Variants in SLC24A2 observed in about 807,000 individuals in gnomAD.
The protein encoded by SLC24A2 is sodium/potassium/calcium exchanger 2.
SLC24A2 carries 36 observed loss-of-function variants against 62.0 expected under a neutral mutation model. The ratio of observed to expected loss-of-function variants is 0.58; its 90% CI spans 0.44 to 0.77. The LOEUF (loss-of-function observed/expected upper bound fraction) is 0.77, where lower values mean the gene tolerates loss of function less well. Ranked by LOEUF, SLC24A2 falls within the 30% of genes least tolerant of loss-of-function variation. SLC24A2 has a pLI of 0.00. For synonymous variants in SLC24A2, 358 were observed against 294.0 expected (o/e 1.22, Z -2.23); for missense variants, 846 against 817.9 (o/e 1.03, Z -0.42).
the SLC24A2 span, among the ~76,000 whole-genome samples, chr9:20,183,461 G>C: frequency 6.6e-6 from 1 of 152,208 alleles, no homozygotes. Flanking sequence ...TTACTAGCAT[G>C]TTGGAGGCTC....
intron 5 of SLC24A2, among the ~76,000 whole-genome samples, chr9:19,581,760 G>A (rs910138474): frequency 4.6e-5 from 7 of 152,220 alleles, no homozygotes; most frequent in African/African-American, 1.7e-4. Context: ...TTGCCATAAA[G>A]GGTGGCATAG....
chr9:19,920,133 C>T, the SLC24A2 span, among the ~76,000 whole-genome samples: 1 of 152,004 alleles, frequency 6.6e-6, no homozygotes, highest in African/African-American at 2.4e-5. Flanking sequence ...GATATATTTC[C>T]TTTTTTTGAA....
At chr9:20,292,305 T>C in the SLC24A2 span, among the ~76,000 whole-genome samples, 3 of 152,324 alleles carry the variant, frequency 2.0e-5, no homozygotes, top group African/African-American at 4.8e-5. Context: ...TTCATGGAAA[T>C]CTTTATTCCA....
chr9:20,249,714 A>AAG, the SLC24A2 span, among the ~76,000 whole-genome samples: 11 of 151,598 alleles, frequency 7.3e-5, 1 homozygote, highest in South Asian at 2.3e-3. Flanking sequence ...CAAAAAAAAA[A>AAG]AAAAAAAAAA....
chr9:19,636,321 TTC>T (rs1491099123), intron 2 of SLC24A2, among the ~76,000 whole-genome samples: 332 of 24,114 alleles, frequency 0.014, 27 homozygotes, highest in African/African-American at 0.027. Flanking sequence ...TTTCTTTTCT[TTC>T]TTTCTTTCTT....
At chr9:19,634,844 T>G (rs943835118) in intron 2 of SLC24A2, among the ~76,000 whole-genome samples, 1 of 152,178 alleles carries the variant, frequency 6.6e-6, no homozygotes, top group African/African-American at 2.4e-5. Context: ...CCCTCTAATC[T>G]TATTAAGACA....
chr9:20,136,180 T>C, the SLC24A2 span, among the ~76,000 whole-genome samples: 1 of 152,134 alleles, frequency 6.6e-6, no homozygotes, highest in Non-Finnish European at 1.5e-5. Flanking sequence ...GAGAACATAG[T>C]GCTTAAATTG....
intron 5 of SLC24A2, among the ~76,000 whole-genome samples, chr9:19,578,296 A>G (rs896039729): frequency 6.6e-6 from 1 of 151,792 alleles, no homozygotes; most frequent in African/African-American, 2.4e-5. Context: ...CAGCTGTAAC[A>G]CAAGTGCGAT....
At chr9:20,118,656 A>G in the SLC24A2 span, among the ~76,000 whole-genome samples, 15 of 152,148 alleles carry the variant, frequency 9.9e-5, no homozygotes, top group Non-Finnish European at 1.2e-4. Flanking sequence ...GTAAAAAAAG[A>G]GGAAAAGAAG....
At chr9:20,021,114 A>G in the SLC24A2 span, among the ~76,000 whole-genome samples, 1 of 152,154 alleles carries the variant, frequency 6.6e-6, no homozygotes, top group Admixed American at 6.5e-5. Context: ...TATAAAGATT[A>G]GTAAATGAAA....
the SLC24A2 span, among the ~76,000 whole-genome samples, chr9:20,053,837 AT>A: frequency 1.8e-4 from 27 of 152,174 alleles, no homozygotes; most frequent in African/African-American, 6.5e-4. Flanking sequence ...CGTGTATGGT[AT>A]TTTGTAATGG....
chr9:19,555,212 T>C (rs982259879), intron 7 of SLC24A2, among the ~76,000 whole-genome samples: 2 of 152,220 alleles, frequency 1.3e-5, no homozygotes, highest in African/African-American at 4.8e-5. Flanking sequence ...TTTGGGTTTT[T>C]AGTTCTTTAC....
chr9:19,757,749 A>G (rs1416851452), intron 2 of SLC24A2, among the ~76,000 whole-genome samples: 1 of 152,092 alleles, frequency 6.6e-6, no homozygotes, highest in African/African-American at 2.4e-5. Context: ...TGTGCTGAGG[A>G]TGTTGGGAGG....
At chr9:19,561,766 G>T (rs1358832011) in intron 7 of SLC24A2, among the ~76,000 whole-genome samples, 1 of 139,468 alleles carries the variant, frequency 7.2e-6, no homozygotes, top group African/African-American at 2.6e-5. Context: ...ATCGTTGCTT[G>T]CCTGATGGTA....
intron 2 of SLC24A2, among the ~76,000 whole-genome samples, chr9:19,774,342 G>T (rs1289020921): frequency 2.0e-5 from 3 of 152,148 alleles, no homozygotes; most frequent in African/African-American, 7.2e-5. Flanking sequence ...GTTAAGTAAT[G>T]TATCCAAGAT....
chr9:20,094,548 A>G, the SLC24A2 span, among the ~76,000 whole-genome samples: 1 of 152,182 alleles, frequency 6.6e-6, no homozygotes, highest in Non-Finnish European at 1.5e-5. Flanking sequence ...CAATATTAAC[A>G]AGTGTGATTT....
At chr9:20,252,257 T>C in the SLC24A2 span, among the ~76,000 whole-genome samples, 3 of 152,250 alleles carry the variant, frequency 2.0e-5, no homozygotes, top group Non-Finnish European at 4.4e-5. Context: ...ATGAGTTTTA[T>C]TCCTAATATT....
At position 19,786,165 on chromosome 9, in the gene SLC24A2, T is replaced by G. The variant is rs754058300; in HGVS notation, c.702A>C (p.Thr234=). The G allele has an allele frequency of 6.2e-7, 1 of 1,614,180 alleles. No homozygotes were observed. The highest frequency in any genetic ancestry group is 8.5e-7 in the Non-Finnish European group (1 of 1,180,040). The part of the protein sequence containing the change: ...ALFSREILNL[T]WWPLFRDVSF... ...ACACATCTCGAAAGAGCGGCCACCATGTCAGGTTTAAGATTTCTCTAGAAA... is the reference window on the plus strand; with the variant it reads ...ACACATCTCGAAAGAGCGGCCACCAGGTCAGGTTTAAGATTTCTCTAGAAA... The change falls in exon 2 of 11, where the codon ACA becomes ACC. Residue 234 remains threonine (T), a synonymous_variant. Transcript: ENST00000341998. This position sits in a 1 kb window ranked among gnomAD's most constrained non-coding sequence, Gnocchi z 5.0.
chr9:20,303,326 A>T, the SLC24A2 span, among the ~76,000 whole-genome samples: 1 of 152,156 alleles, frequency 6.6e-6, no homozygotes, highest in African/African-American at 2.4e-5. Flanking sequence ...CTTTTACAAA[A>T]TCCTAACATG....
Sources: allele counts gnomAD v4.1 joint callset (sites outside exome capture counted in the v4.1 genomes callset), GRCh38; gene constraint gnomAD v4.1.1; non-coding constraint Gnocchi (gnomAD v3.1); transcripts MANE v1.5; gene names NCBI Gene and HGNC (gene_info 2026-07-23, HGNC 2026-07-21).